Variants in EMSY observed in about 807,000 individuals in gnomAD.
The protein encoded by EMSY is BRCA2-interacting transcriptional repressor EMSY.
A neutral mutation model predicts 134.6 loss-of-function variants in EMSY; 26 were observed. The observed-to-expected ratio is 0.19, with a 90% CI of 0.14 to 0.27. The LOEUF is 0.27. EMSY is among the 10% of genes least tolerant of loss of function. EMSY has a pLI of 1.00. For missense variants in EMSY, 1,305 were observed against 1,611.4 expected, an observed-to-expected ratio of 0.81 and a Z score of 3.26; for synonymous variants, 579 against 577.8, an observed-to-expected ratio of 1.00 and a Z score of -0.03.
chr11:76,460,291 C>T, intron 6 of EMSY: 1 of 490,918 alleles, frequency 2.0e-6, no homozygotes, highest in Non-Finnish European at 3.6e-6. Context: ...GAAGTGACTT[C>T]ATTTTCATTG....
In EMSY at chr11:76,479,469, G is replaced by A. The variant is rs533416096; in HGVS notation, c.1108+6629G>A. Among the ~76,000 whole-genome samples, 9 of 152,292 alleles carry A rather than the reference G, an allele frequency of 5.9e-5. No individual in the cohort carries two copies. The South Asian group carries it at 1.9e-3, about 32-fold the overall frequency. On this transcript the variant is annotated intron_variant, in intron 8 of 20. Coordinates refer to ENST00000334736, the Ensembl canonical transcript of EMSY. ...TGCAGGCTGGATGCGCCAATAACAG[G>A]TTCCCCGCAATGCCCCACATGGGGC...
rs779345695 is a variant in EMSY at position 76,463,809 on chromosome 11, A to G, written c.572-12A>G. 6 of 1,613,772 alleles carry G rather than the reference A, an allele frequency of 3.7e-6. No individual in the cohort carries two copies. In the Admixed American group the frequency reaches 1.0e-4, roughly 27 times the overall value. ...TTGGTATACATATAGCAGTATTGTC[A>G]TTGCCCTTCAGGTGTAAGCTGTTCA... On this transcript the variant is annotated splice_polypyrimidine_tract_variant and intron_variant, in intron 6 of 20. Transcript: ENST00000334736.
At chr11:76,477,858 T>G (rs762501770) in intron 8 of EMSY, among the ~76,000 whole-genome samples, 1 of 152,238 alleles carries the variant, frequency 6.6e-6, no homozygotes, top group Non-Finnish European at 1.5e-5. Flanking sequence ...TTAGATTAAT[T>G]GTTGCTACTG....
chr11:76,518,744 C>G (rs934199557), intron 11 of EMSY, among the ~76,000 whole-genome samples: 1 of 128,512 alleles, frequency 7.8e-6, no homozygotes, highest in African/African-American at 2.8e-5. Context: ...AGATTTTATC[C>G]GTATTTCCTA....
At chr11:76,532,967 T>C (rs551439662) in intron 14 of EMSY, among the ~76,000 whole-genome samples, 8 of 152,260 alleles carry the variant, frequency 5.3e-5, no homozygotes, top group African/African-American at 1.7e-4. Flanking sequence ...GAGTGGAAGA[T>C]ACAATATAAA....
At chr11:76,533,952 G>A (rs1042447638) in intron 14 of EMSY, among the ~76,000 whole-genome samples, 8 of 152,120 alleles carry the variant, frequency 5.3e-5, no homozygotes, top group Admixed American at 5.2e-4. Context: ...TTTCACATAG[G>A]TTCACACACT....
chr11:76,472,289 C>T (rs1046827157), intron 7 of EMSY, among the ~76,000 whole-genome samples: 5 of 151,318 alleles, frequency 3.3e-5, no homozygotes, highest in Admixed American at 6.6e-5. Context: ...AATTTATACT[C>T]CCTAAGTAGT....
intron 15 of EMSY, 111 bp downstream of exon 16, chr11:76,536,170 G>C (rs925586628): frequency 4.1e-6 from 3 of 731,402 alleles, no homozygotes; most frequent in Non-Finnish European, 5.5e-6. Context: ...TATTATTATT[G>C]CTATTATTTG....
In EMSY at chr11:76,513,550, G is replaced by A. The variant is rs1486126904; in HGVS notation, c.1513+15G>A. 6.2e-7 allele frequency: 1 copy of A among 1,610,920 alleles called. No homozygotes were observed. Among genetic ancestry groups the A allele is most frequent in the East Asian group, 2.2e-5 (1 of 44,742 alleles). On this transcript the variant is annotated intron_variant, in intron 10 of 20. Coordinates refer to ENST00000334736, the Ensembl canonical transcript of EMSY. ...CACTCCTACTGGTAAGTTCTCTTGA[G>A]CATCAGTTCATTTATTCATCATACA...
chr11:76,526,112 G>C (rs1206436232), intron 12 of EMSY, among the ~76,000 whole-genome samples: 2 of 152,132 alleles, frequency 1.3e-5, no homozygotes, highest in East Asian at 1.9e-4. Context: ...AATTCTTAGA[G>C]ACAAGCATTA....
chr11:76,465,559 A>G (rs534347693), intron 7 of EMSY, among the ~76,000 whole-genome samples: 1 of 147,824 alleles, frequency 6.8e-6, no homozygotes, highest in Non-Finnish European at 1.5e-5. Flanking sequence ...TTTTGCTCTC[A>G]TACTTTAAAT....
intron 1 of EMSY, among the ~76,000 whole-genome samples, chr11:76,446,697 C>G (rs913717211): frequency 2.0e-5 from 3 of 152,134 alleles, no homozygotes; most frequent in Non-Finnish European, 4.4e-5. Flanking sequence ...GGCTCTAAAG[C>G]CTGTGTTCTT....
At chr11:76,508,343 C>CTTGTT (rs1950156000) in intron 9 of EMSY, among the ~76,000 whole-genome samples, 1 of 147,242 alleles carries the variant, frequency 6.8e-6, no homozygotes, top group African/African-American at 2.5e-5. Context: ...TGAAAGGAAT[C>CTTGTT]TTTTTTTTTT....
At chr11:76,484,958 A>T (rs1447861447) in intron 8 of EMSY, among the ~76,000 whole-genome samples, 2 of 151,652 alleles carry the variant, frequency 1.3e-5, no homozygotes, top group African/African-American at 4.8e-5. Flanking sequence ...GAAGAAATGG[A>T]TAAATTCCTG....
intron 6 of EMSY, among the ~76,000 whole-genome samples, 159 bp from the exon 8 acceptor site, chr11:76,463,662 G>A (rs1948230218): frequency 6.6e-6 from 1 of 151,594 alleles, no homozygotes; most frequent in Non-Finnish European, 1.5e-5. Context: ...AGGAGGGAAG[G>A]CATTCAGAGA....
intron 8 of EMSY, 127 bp downstream of exon 9, chr11:76,472,967 G>A (rs4245444): frequency 0.96 from 832,652 of 866,758 alleles, 400,787 homozygotes; most frequent in South Asian, 0.98. Context: ...TCACCACCCC[G>A]TGTACCCCAG....
chr11:76,536,298 GA>G (rs1037724461), intron 15 of EMSY, among the ~76,000 whole-genome samples: 3 of 151,812 alleles, frequency 2.0e-5, no homozygotes, highest in Admixed American at 6.6e-5. Flanking sequence ...GTAGAAAAGA[GA>G]AAAAAAATTG....
Position 76,472,587 on chromosome 11 carries a change from A to AT in EMSY, c.855_856insT (p.Ser286Ter). ...AGGTTATTATAGTCACCACATCACC[A>AT]AGCTCAACCTTCGTGCCCAACATTC... is the stretch of plus-strand genomic sequence containing the variant. On this transcript the variant is annotated frameshift_variant, in exon 8 of 21. Coordinates refer to ENST00000334736, the Ensembl canonical transcript of EMSY. LOFTEE classifies it high-confidence loss of function. 6.2e-7 allele frequency: 1 copy of AT among 1,614,082 alleles called. No homozygotes were observed. The highest frequency in any genetic ancestry group is 8.5e-7 in the Non-Finnish European group (1 of 1,179,926).
chr11:76,512,989 T>G (rs1296397951), intron 9 of EMSY, among the ~76,000 whole-genome samples: 1 of 152,158 alleles, frequency 6.6e-6, no homozygotes, highest in Non-Finnish European at 1.5e-5. Context: ...TTTGGCGAAG[T>G]TGGGGATACA....
Sources: allele counts gnomAD v4.1 joint callset (sites outside exome capture counted in the v4.1 genomes callset), GRCh38; gene constraint gnomAD v4.1.1; transcripts MANE v1.5; gene names NCBI Gene and HGNC (gene_info 2026-07-23, HGNC 2026-07-21).